ATOX1: variants seen among roughly 807,000 people sequenced by gnomAD.
ATOX1 encodes copper transport protein ATOX1.
Under a neutral mutation model 7.3 loss-of-function variants are expected in ATOX1, and 4 were observed. The ratio of observed to expected loss-of-function variants is 0.55; its 90% confidence interval spans 0.27 to 1.25. The LOEUF (loss-of-function observed/expected upper bound fraction) is 1.25, where lower values mean the gene tolerates loss of function less well. ATOX1 is among the 50% of genes most tolerant of loss of function. ATOX1 has a pLI of 0.12. For synonymous variants in ATOX1, 25 were observed against 28.7 expected, an observed-to-expected ratio of 0.87 and a Z score of 0.41; for missense variants, 68 against 81.6, an observed-to-expected ratio of 0.83 and a Z score of 0.64.
chr5:151,755,120 C>A (rs1472141632), intron 1 of ATOX1, among the ~76,000 whole-genome samples: 1 of 151,766 alleles, frequency 6.6e-6, no homozygotes, highest in South Asian at 2.1e-4. Flanking sequence ...TGTTTACTAT[C>A]GGTGCCGTGT....
chr5:151,746,479 G>C (rs1255988105), intron 2 of ATOX1, 30 bp from the exon 3 acceptor site: 19 of 1,612,698 alleles, frequency 1.2e-5, no homozygotes, highest in Non-Finnish European at 1.6e-5. Flanking sequence ...GGTATGGGGA[G>C]AGGAAGCACA....
At position 151,746,257 on chromosome 5, in the gene ATOX1, C is replaced by T. The variant is rs547374256; in HGVS notation, c.*46+22G>A. 45 of 1,592,346 alleles carry T rather than the reference C, an allele frequency of 2.8e-5. No individual in the cohort carries two copies. The African/African-American group carries it at 4.7e-4, about 17-fold the overall frequency. On this transcript the variant is annotated intron_variant, in intron 3 of 3. Transcript: ENST00000313115. The stretch of plus-strand genomic sequence containing the variant: ...AGGTGTGAGCTGTAGGTTTGTTCAG[C>T]AAGTGCTGGGGCCTTACCCACCTGC...
Position 151,751,780 on chromosome 5 carries a change from C to G in ATOX1, c.7-1G>C. ...TCATGTCCACAGAGAACTCGTGCTT[C>G]TGAAACAAACACAGGGGGACCATGA... On this transcript the variant is annotated splice_acceptor_variant, in intron 1 of 3. Coordinates refer to ENST00000313115, the MANE Select transcript of ATOX1 (RefSeq NM_004045.4). LOFTEE classifies it high-confidence loss of function. The G allele has an allele frequency of 6.2e-7, 1 of 1,604,794 alleles. No individual in the cohort carries two copies.
At chr5:151,757,635 A>G (rs1762034418) in intron 1 of ATOX1, among the ~76,000 whole-genome samples, 1 of 152,184 alleles carries the variant, frequency 6.6e-6, no homozygotes, top group Admixed American at 6.5e-5. Flanking sequence ...AGAAAATGCT[A>G]AACACCACAT....
chr5:151,747,647 C>T (rs915791381), intron 2 of ATOX1, among the ~76,000 whole-genome samples: 2 of 151,542 alleles, frequency 1.3e-5, no homozygotes, highest in Non-Finnish European at 2.9e-5. Flanking sequence ...AGTGCAGTGG[C>T]ACAATCTCAG....
intron 2 of ATOX1, among the ~76,000 whole-genome samples, chr5:151,747,378 T>C (rs28918970): frequency 0.026 from 3,857 of 149,962 alleles, 175 homozygotes; most frequent in African/African-American, 0.089. Flanking sequence ...CTTGAATACC[T>C]GGGCTCAGGT....
chr5:151,750,644 C>CTTTTTTTTTTTTTTTTT (rs34586233), intron 2 of ATOX1, among the ~76,000 whole-genome samples: 1 of 100,352 alleles, frequency 1.0e-5, no homozygotes, highest in African/African-American at 3.8e-5. Flanking sequence ...TTTTTTCTTT[C>CTTTTTTTTTTTTTTTTT]TTTTTTTTTT....
At position 151,746,285 on chromosome 5, in the gene ATOX1, C is replaced by G. The variant is rs371306915; in HGVS notation, c.*40G>C. On this transcript the variant is annotated 3_prime_UTR_variant, in exon 3 of 4. Coordinates refer to ENST00000313115, the MANE Select transcript of ATOX1 (RefSeq NM_004045.4). ...GTGCTGGGGCCTTACCCACCTGCCC[C>G]CTTTGGTCCATCCTGTGGGCTGTGG... 1.6e-5 allele frequency: 26 copies of G among 1,609,930 alleles called. No individual in the cohort carries two copies. Among genetic ancestry groups the G allele is most frequent in the East Asian group, 1.3e-4 (6 of 44,834 alleles).
At chr5:151,752,402 G>A in intron 1 of ATOX1, 1 of 700,746 alleles carries the variant, frequency 1.4e-6, no homozygotes, top group Non-Finnish European at 2.6e-6. Flanking sequence ...AGGCCAGGCA[G>A]GAAGGGATCC....
intron 1 of ATOX1, chr5:151,752,471 T>C (rs1329992510): frequency 1.5e-6 from 1 of 659,862 alleles, no homozygotes. Flanking sequence ...ATCTAACAGA[T>C]CAAGGGTCTG....
chr5:151,746,888 C>T (rs372635870), intron 2 of ATOX1, among the ~76,000 whole-genome samples: 1 of 152,050 alleles, frequency 6.6e-6, no homozygotes, highest in Non-Finnish European at 1.5e-5. Flanking sequence ...CGTATGCCAC[C>T]ACACCTGGTT....
chr5:151,756,521 G>A (rs1375327466), intron 1 of ATOX1, among the ~76,000 whole-genome samples: 2 of 149,340 alleles, frequency 1.3e-5, no homozygotes, highest in Non-Finnish European at 3.0e-5. Context: ...CACCCAAGCT[G>A]GAATGCAGTG....
intron 2 of ATOX1, among the ~76,000 whole-genome samples, chr5:151,748,518 C>T (rs1036057627): frequency 6.6e-6 from 1 of 152,082 alleles, no homozygotes; most frequent in Admixed American, 6.6e-5. Context: ...AAAAGATGGG[C>T]AGAAACCTGC....
At chr5:151,746,634 T>C (rs1383155350) in intron 2 of ATOX1, 185 bp from the exon 3 acceptor site, 1 of 624,688 alleles carries the variant, frequency 1.6e-6, no homozygotes, top group Non-Finnish European at 2.7e-6. Context: ...GGGTCACATA[T>C]AGACTCTGTT....
At chr5:151,754,222 C>T (rs1761984113) in intron 1 of ATOX1, 1 of 152,200 alleles carries the variant, frequency 6.6e-6, no homozygotes, top group Non-Finnish European at 1.5e-5. Flanking sequence ...CAGGTCCCTT[C>T]CCAGAAGTCC....
intron 2 of ATOX1, among the ~76,000 whole-genome samples, chr5:151,747,833 C>T (rs1761897062): frequency 6.6e-6 from 1 of 152,214 alleles, no homozygotes; most frequent in Non-Finnish European, 1.5e-5. Flanking sequence ...AGGTGATCCA[C>T]CTGCATTGGC....
intron 1 of ATOX1, 126 bp downstream of exon 1, chr5:151,758,420 A>G: frequency 7.5e-7 from 1 of 1,339,294 alleles, no homozygotes; most frequent in Non-Finnish European, 9.6e-7. Context: ...GGGGTAAGCT[A>G]GGGGACAACA....
Position 151,758,577 on chromosome 5 carries a change from CG to C in ATOX1, c.-27del, listed in dbSNP as rs1561523957. On this transcript the variant is annotated 5_prime_UTR_variant, in exon 1 of 4. Transcript: ENST00000313115. The stretch of plus-strand genomic sequence containing the variant: ...GACTGAGGCAGCGGCGGTGTGGCGG[CG>C]GTGTGGCGGCGGTGTCAGCAGCGCC... 17 of 1,416,952 alleles carry C rather than the reference CG, an allele frequency of 1.2e-5. 1 individual carries two copies. Among genetic ancestry groups the C allele is most frequent in the African/African-American group, 1.5e-5 (1 of 66,926 alleles). 87.8% of individuals were successfully genotyped at this position (1,416,952 alleles called of 1,614,324 possible). A position where few individuals can be genotyped will look rare whatever the true frequency, so the allele number is the denominator to read the frequency against.
At chr5:151,751,224 C>T (rs984433869) in intron 2 of ATOX1, among the ~76,000 whole-genome samples, 18 of 148,296 alleles carry the variant, frequency 1.2e-4, no homozygotes, top group African/African-American at 2.5e-4. Context: ...CCATTGCACT[C>T]CAGGCTGAGC....
Sources: gnomAD v4.1 joint callset for allele counts (sites outside exome capture counted in the v4.1 genomes callset) on GRCh38, gnomAD v4.1.1 for gene constraint, MANE v1.5 for transcripts, NCBI Gene and HGNC (gene_info 2026-07-23, HGNC 2026-07-21) for gene names.